The following OSBP variants were observed in gnomAD, a reference collection of about 807,000 sequenced individuals.
OSBP encodes oxysterol binding protein, also known as oxysterol-binding protein 1.
OSBP carries 32 observed loss-of-function variants against 96.6 expected under a neutral mutation model. The ratio of observed to expected loss-of-function variants is 0.33; its 90% CI spans 0.25 to 0.45. OSBP has a LOEUF of 0.45. Among genes scored for constraint, OSBP ranks in the 20% least tolerant of loss-of-function variants. The probability of loss-of-function intolerance (pLI) is 1.00; values close to 1 mark genes in which losing one functional copy is unlikely to be tolerated. For missense variants in OSBP, 653 were observed against 1,029.7 expected, an observed-to-expected ratio of 0.63 and a Z score of 5.01; for synonymous variants, 369 against 389.6, an observed-to-expected ratio of 0.95 and a Z score of 0.62.
rs1452791296 is a variant in OSBP at position 59,576,739 on chromosome 11, A to C, written c.2282-20T>G. 1 of 1,612,010 alleles carries C rather than the reference A, an allele frequency of 6.2e-7. No individual in the cohort carries two copies. Among genetic ancestry groups the C allele is most frequent in the South Asian group, 1.1e-5 (1 of 90,728 alleles). On this transcript the variant is annotated intron_variant, in intron 13 of 13. Coordinates refer to ENST00000263847, the MANE Select transcript of OSBP (RefSeq NM_002556.3). ...GTGTGCCTAAAAGGAAAAGAGAGGAAAGAAAAAAATTAGTGCTGGCATTCT... is the reference window on the plus strand; with the variant it reads ...GTGTGCCTAAAAGGAAAAGAGAGGACAGAAAAAAATTAGTGCTGGCATTCT...
In OSBP at chr11:59,594,338, A is replaced by G. The variant is rs546876762; in HGVS notation, c.1312-83T>C. 91 of 1,367,224 alleles carry G rather than the reference A, an allele frequency of 6.7e-5. No individual in the cohort carries two copies. In the African/African-American group the frequency reaches 1.1e-3, roughly 17 times the overall value. The allele number at this position is 1,367,224 out of a possible 1,614,324, so 84.7% of individuals were successfully genotyped here. On this transcript the variant is annotated intron_variant, in intron 7 of 13. Transcript: ENST00000263847. ...AATTTTTTTTGCAGTTTAGGAAATAAATCACTGGGAAAAGAGGGCTTTGCT... is the reference window on the plus strand; with the variant it reads ...AATTTTTTTTGCAGTTTAGGAAATAGATCACTGGGAAAAGAGGGCTTTGCT...
intron 3 of OSBP, among the ~76,000 whole-genome samples, chr11:59,604,075 A>G (rs977047791): frequency 7.2e-5 from 11 of 152,228 alleles, no homozygotes; most frequent in African/African-American, 2.4e-4. Flanking sequence ...CTCAAATCAC[A>G]GATCCATCCC....
rs1208952070 is a variant in OSBP at position 59,574,806 on chromosome 11, G to A, written c.*1771C>T. On this transcript the variant is annotated 3_prime_UTR_variant, in exon 14 of 14. Coordinates refer to ENST00000263847, the MANE Select transcript of OSBP (RefSeq NM_002556.3). ...TCACAACTAGGAAGGAAGGGATAGG[G>A]GAAGAAATAAAAGTATTAATTTACC... 1 of 152,578 alleles carries A rather than the reference G, an allele frequency of 6.6e-6. No homozygotes were observed. Among genetic ancestry groups the A allele is most frequent in the Non-Finnish European group, 1.5e-5 (1 of 68,042 alleles). The allele number at this position is 152,578 out of a possible 1,614,324, so 9.5% of individuals were successfully genotyped here. A position where few individuals can be genotyped will look rare whatever the true frequency, so the allele number is the denominator to read the frequency against.
At chr11:59,597,719 T>C (rs538546231) in intron 7 of OSBP, among the ~76,000 whole-genome samples, 3 of 152,116 alleles carry the variant, frequency 2.0e-5, no homozygotes, top group Non-Finnish European at 4.4e-5. Context: ...ATTACTATTT[T>C]GTTTTGAGAG....
intron 9 of OSBP, among the ~76,000 whole-genome samples, chr11:59,589,731 T>C (rs1057177876): frequency 2.6e-5 from 4 of 152,132 alleles, no homozygotes; most frequent in Non-Finnish European, 4.4e-5. Context: ...ACGCCTGTAA[T>C]CCCAGCACTT....
Position 59,577,007 on chromosome 11 carries a change from CAT to C in OSBP, c.2077_2078del (p.Met693ValfsTer27). 1 of 1,612,968 alleles carries C rather than the reference CAT, an allele frequency of 6.2e-7. No homozygotes were observed. Among genetic ancestry groups the C allele is most frequent in the Non-Finnish European group, 8.5e-7 (1 of 1,179,664 alleles). On this transcript the variant is annotated frameshift_variant, in exon 13 of 14. Transcript: ENST00000263847. LOFTEE classifies it high-confidence loss of function. ...RNPLPKNAEN[M>X]YYFSELALTL... Reference sequence around the variant, plus strand: ...TCAGAGCAAGCTCTGAGAAGTAGTACATGTTTTCTGCATTCTTCCTAAAAGTA... The same window carrying C: ...TCAGAGCAAGCTCTGAGAAGTAGTACGTTTTCTGCATTCTTCCTAAAAGTA...
intron 3 of OSBP, among the ~76,000 whole-genome samples, chr11:59,607,995 C>T (rs980702976): frequency 6.6e-6 from 1 of 152,176 alleles, no homozygotes; most frequent in African/African-American, 2.4e-5. Context: ...CCTCCACTTA[C>T]CACCCTTTAT....
chr11:59,600,108 T>G (rs1052627009), intron 7 of OSBP, among the ~76,000 whole-genome samples: 23 of 152,308 alleles, frequency 1.5e-4, no homozygotes, highest in African/African-American at 5.5e-4. Context: ...CCCTAAGCCT[T>G]TGTCTGTGTC....
At chr11:59,589,000 G>A (rs974760644) in intron 9 of OSBP, among the ~76,000 whole-genome samples, 4 of 151,722 alleles carry the variant, frequency 2.6e-5, no homozygotes, top group East Asian at 1.9e-4. Context: ...GCGAGACTCC[G>A]TCTGAAAAAA....
At chr11:59,604,189 C>T (rs1393952265) in intron 3 of OSBP, among the ~76,000 whole-genome samples, 3 of 152,084 alleles carry the variant, frequency 2.0e-5, no homozygotes, top group Admixed American at 6.5e-5. Flanking sequence ...CTCAAAGAGT[C>T]GTTGTTTTAC....
At chr11:59,601,961 T>A in intron 3 of OSBP, 123 bp from the exon 4 acceptor site, 1 of 786,278 alleles carries the variant, frequency 1.3e-6, no homozygotes. Flanking sequence ...ATGAAAGACT[T>A]TCCCTTTTAT....
At chr11:59,587,730 G>C (rs1030808117) in intron 9 of OSBP, among the ~76,000 whole-genome samples, 3 of 152,204 alleles carry the variant, frequency 2.0e-5, no homozygotes, top group African/African-American at 7.2e-5. Context: ...CTGTTGGTGG[G>C]AATGTATAAC....
intron 9 of OSBP, among the ~76,000 whole-genome samples, chr11:59,588,935 C>A (rs540840849): frequency 2.0e-5 from 3 of 151,042 alleles, no homozygotes; most frequent in Non-Finnish European, 4.4e-5. Flanking sequence ...AACCCAGGAG[C>A]GGGAGGTTGC....
At chr11:59,593,552 A>G in intron 9 of OSBP, 52 bp downstream of exon 9, 1 of 1,607,754 alleles carries the variant, frequency 6.2e-7, no homozygotes, top group Non-Finnish European at 8.5e-7. Context: ...CCATCGTGCC[A>G]GAAAACCTTT....
At chr11:59,591,439 G>A (rs1860578789) in intron 9 of OSBP, among the ~76,000 whole-genome samples, 1 of 152,102 alleles carries the variant, frequency 6.6e-6, no homozygotes, top group South Asian at 2.1e-4. Flanking sequence ...TCAAGTCACT[G>A]ATATAAAATG....
intron 7 of OSBP, among the ~76,000 whole-genome samples, chr11:59,597,554 T>TC (rs34238846): frequency 0.3 from 45,008 of 151,850 alleles, 7,296 homozygotes; most frequent in East Asian, 0.49. Flanking sequence ...AACCTTTTTT[T>TC]CTTTTGAGAC....
chr11:59,590,245 C>T (rs1034668508), intron 9 of OSBP, among the ~76,000 whole-genome samples: 3 of 152,170 alleles, frequency 2.0e-5, no homozygotes, highest in Non-Finnish European at 2.9e-5. Flanking sequence ...AGTTGTCCTG[C>T]TACCAAATAA....
intron 9 of OSBP, among the ~76,000 whole-genome samples, chr11:59,589,977 A>C (rs140984931): frequency 0.023 from 3,448 of 152,020 alleles, 125 homozygotes; most frequent in African/African-American, 0.08. Context: ...AGCAAGACTC[A>C]GTCTCAAAAA....
chr11:59,583,659 T>TTTTTTTTC (rs1554979383), intron 9 of OSBP, among the ~76,000 whole-genome samples: 1 of 137,698 alleles, frequency 7.3e-6, no homozygotes, highest in African/African-American at 3.0e-5. Context: ...TTTTTTTTTT[T>TTTTTTTTC]TCGAGATGGA....
Sources: gnomAD v4.1 joint callset for allele counts (sites outside exome capture counted in the v4.1 genomes callset) on GRCh38, gnomAD v4.1.1 for gene constraint, MANE v1.5 for transcripts, NCBI Gene and HGNC (gene_info 2026-07-23, HGNC 2026-07-21) for gene names.